The following TENM3 variants were observed in gnomAD, a reference collection of about 807,000 sequenced individuals.
TENM3 encodes teneurin transmembrane protein 3, also known as teneurin-3.
In TENM3, 63 loss-of-function variants were observed where a neutral mutation model predicts 255.1. That is an observed-to-expected ratio of 0.25 (90% CI 0.20 to 0.30). The LOEUF (loss-of-function observed/expected upper bound fraction) is 0.30, where lower values mean the gene tolerates loss of function less well. Among genes scored for constraint, TENM3 ranks in the 10% least tolerant of loss-of-function variants. The pLI is 1.00. For missense variants in TENM3, 2,929 were observed against 3,461.1 expected (o/e 0.85, Z 3.86); for synonymous variants, 1,306 against 1,322.3 (o/e 0.99, Z 0.27).
chr4:182,419,425 G>C (rs777203708), intron 3 of TENM3, among the ~76,000 whole-genome samples: 4 of 152,168 alleles, frequency 2.6e-5, no homozygotes, highest in Non-Finnish European at 5.9e-5. Flanking sequence ...GTTGGTGGGA[G>C]TGTAAACTAG....
At chr4:181,812,633 C>T in the TENM3 span, among the ~76,000 whole-genome samples, 1 of 152,128 alleles carries the variant, frequency 6.6e-6, no homozygotes. Context: ...GTAAATGCTG[C>T]GCTTGCAGAC....
rs1193996729 is a variant in TENM3 at position 182,377,150 on chromosome 4, A to G, written c.511+30221A>G. Among the ~76,000 whole-genome samples the G allele has an allele frequency of 5.3e-5, 8 of 152,232 alleles. No individual in the cohort carries two copies. The East Asian group carries it at 9.7e-4, about 18-fold the overall frequency. ...GTTTAGTACCTCCTCTATTTCCCAGACAGCTTGCTAATGACCCATATAGTA... is the reference window on the plus strand; with the variant it reads ...GTTTAGTACCTCCTCTATTTCCCAGGCAGCTTGCTAATGACCCATATAGTA... On this transcript the variant is annotated intron_variant, in intron 3 of 27. Transcript: ENST00000511685.
chr4:181,888,532 A>ATATATATATATATATATATATATG, the TENM3 span, among the ~76,000 whole-genome samples: 1 of 78,738 alleles, frequency 1.3e-5, no homozygotes, highest in Non-Finnish European at 2.7e-5. Flanking sequence ...ATATACATAT[A>ATATATATATATATATATATATATG]TGTGTATATA....
chr4:181,833,806 A>G, the TENM3 span, among the ~76,000 whole-genome samples: 1 of 152,122 alleles, frequency 6.6e-6, no homozygotes, highest in Non-Finnish European at 1.5e-5. Flanking sequence ...ATTACTCGGT[A>G]ATATGTCTCT....
Position 182,731,114 on chromosome 4 carries a change from A to G in TENM3, c.2942A>G (p.Asp981Gly). The G allele has an allele frequency of 6.2e-7, 1 of 1,613,854 alleles. No homozygotes were observed. The highest frequency in any genetic ancestry group is 8.5e-7 in the Non-Finnish European group (1 of 1,179,842). The change falls in exon 16 of 28, where the codon GAC becomes GGC. Residue 981 changes from aspartate (D) to glycine (G), a missense_variant. Asp to Gly is a moderately conservative substitution (Grantham distance 94, BLOSUM62 -1). This residue lies in a region of TENM3 where 1,608 missense variants were observed against 1,884.4 expected (regional missense o/e 0.85). Transcript: ENST00000511685. The stretch of plus-strand genomic sequence containing the variant: ...ACCTTTTTCAGATCTTCTCCTGAAG[A>G]CAGTCCCATCATTCCCGAAACACAG... ...LSTFFRSSPE[D>G]SPIIPETQVL...
chr4:181,799,381 G>T, the TENM3 span, among the ~76,000 whole-genome samples: 4 of 152,240 alleles, frequency 2.6e-5, no homozygotes, highest in Non-Finnish European at 4.4e-5. Context: ...AGCTATTGCT[G>T]TCAAATTTGC....
intron 3 of TENM3, among the ~76,000 whole-genome samples, chr4:182,364,456 AC>A (rs1561368906): frequency 6.6e-6 from 1 of 152,080 alleles, no homozygotes; most frequent in African/African-American, 2.4e-5. Flanking sequence ...TCACTCTGTC[AC>A]CCAGGCTGGA....
chr4:181,552,413 G>A, the TENM3 span, among the ~76,000 whole-genome samples: 11 of 152,072 alleles, frequency 7.2e-5, no homozygotes, highest in African/African-American at 2.4e-4. Context: ...TTTCTTTATT[G>A]TTTAGAAAGT....
At chr4:181,969,161 A>G in the TENM3 span, among the ~76,000 whole-genome samples, 2 of 152,184 alleles carry the variant, frequency 1.3e-5, no homozygotes, top group African/African-American at 2.4e-5. Flanking sequence ...AGAAAATCCA[A>G]TTAGGCGTAT....
the TENM3 span, among the ~76,000 whole-genome samples, chr4:182,087,561 AT>A: frequency 1.3e-5 from 2 of 152,312 alleles, no homozygotes; most frequent in Admixed American, 1.3e-4. Context: ...GACAGCATTA[AT>A]GTTAATGAAG....
chr4:182,659,923 G>A (rs1485497184), intron 6 of TENM3, among the ~76,000 whole-genome samples: 1 of 152,166 alleles, frequency 6.6e-6, no homozygotes, highest in East Asian at 1.9e-4. Flanking sequence ...CTCACCACCT[G>A]ATGTGGTGTC....
chr4:181,845,422 G>A, the TENM3 span, among the ~76,000 whole-genome samples: 1 of 152,086 alleles, frequency 6.6e-6, no homozygotes. Flanking sequence ...TTAAATGCTA[G>A]AATGTGAAAT....
At chr4:182,101,544 TTA>T in the TENM3 span, among the ~76,000 whole-genome samples, 1 of 152,116 alleles carries the variant, frequency 6.6e-6, no homozygotes, top group Non-Finnish European at 1.5e-5. Flanking sequence ...TTCACTTTAC[TTA>T]TACGTGGAAT....
the TENM3 span, among the ~76,000 whole-genome samples, chr4:181,712,402 C>T: frequency 4.6e-5 from 7 of 152,142 alleles, no homozygotes; most frequent in Admixed American, 3.9e-4. Flanking sequence ...CACTCTCTTG[C>T]TCTCACTCCT....
At chr4:182,332,463 C>T (rs752943524) in intron 2 of TENM3, among the ~76,000 whole-genome samples, 3 of 152,204 alleles carry the variant, frequency 2.0e-5, no homozygotes, top group Non-Finnish European at 2.9e-5. Flanking sequence ...GAGGCCGAGG[C>T]GGGCAGATCA....
intron 3 of TENM3, among the ~76,000 whole-genome samples, chr4:182,591,253 A>G (rs541344024): frequency 1.7e-4 from 26 of 152,226 alleles, no homozygotes; most frequent in African/African-American, 5.5e-4. Context: ...AAGAGAGAGA[A>G]AGAGAGAGAG....
intron 1 of TENM3, among the ~76,000 whole-genome samples, chr4:182,250,054 C>CTTTTTTTT (rs957483629): frequency 4.7e-5 from 6 of 128,446 alleles, no homozygotes; most frequent in African/African-American, 9.0e-5. Flanking sequence ...TTTCTTTTTT[C>CTTTTTTTT]TTTTTTTTTT....
chr4:182,351,382 G>A (rs7657778), intron 3 of TENM3, among the ~76,000 whole-genome samples: 1,779 of 152,260 alleles, frequency 0.012, 42 homozygotes, highest in African/African-American at 0.039. Flanking sequence ...TCATCCAGCC[G>A]GTGCGACGTT....
Position 182,792,016 on chromosome 4 carries a change from ATGTC to A in TENM3, c.5602-255_5602-252del, listed in dbSNP as rs1368680855. 1.3e-5 allele frequency among the ~76,000 whole-genome samples: 2 copies of A among 152,154 alleles called. No individual in the cohort carries two copies. Among genetic ancestry groups the A allele is most frequent in the African/African-American group, 4.8e-5 (2 of 41,426 alleles). On this transcript the variant is annotated intron_variant, in intron 25 of 27. Transcript: ENST00000511685. This position sits in a 1 kb window ranked among gnomAD's most constrained non-coding sequence, Gnocchi z 6.3. ...TGACAAATCTGCTGGTTGGCTATGA[ATGTC>A]TGGGAAAATAATGGTACTGTCGTGA...
Sources: gnomAD v4.1 joint callset for allele counts (sites outside exome capture counted in the v4.1 genomes callset) on GRCh38, gnomAD v4.1.1 for gene constraint, gnomAD v4.1.1 regional missense constraint, Gnocchi (gnomAD v3.1) non-coding constraint, MANE v1.5 for transcripts, NCBI Gene and HGNC (gene_info 2026-07-23, HGNC 2026-07-21) for gene names.